Variants in SORCS3 observed in about 807,000 individuals in gnomAD.
The protein encoded by SORCS3 is sortilin related VPS10 domain containing receptor 3.
A neutral mutation model predicts 146.3 loss-of-function variants in SORCS3; 57 were observed. The observed-to-expected ratio is 0.39, with a 90% CI of 0.31 to 0.49. The LOEUF (loss-of-function observed/expected upper bound fraction) is 0.49, where lower values mean the gene tolerates loss of function less well. SORCS3 is among the 20% of genes least tolerant of loss of function. The probability of loss-of-function intolerance (pLI) is 0.92; values close to 1 mark genes in which losing one functional copy is unlikely to be tolerated. For missense variants in SORCS3, 1,341 were observed against 1,575.5 expected (o/e 0.85, Z 2.52); for synonymous variants, 653 against 618.5 (o/e 1.06, Z -0.83).
chr10:104,720,811 G>T (rs533747522), intron 1 of SORCS3, among the ~76,000 whole-genome samples: 12 of 152,166 alleles, frequency 7.9e-5, no homozygotes, highest in South Asian at 4.1e-4. Flanking sequence ...TTGCCCACTT[G>T]TTGATGGGGT....
intron 1 of SORCS3, among the ~76,000 whole-genome samples, chr10:104,760,184 G>C (rs2017103928): frequency 6.6e-6 from 1 of 152,270 alleles, no homozygotes; most frequent in African/African-American, 2.4e-5. Flanking sequence ...CAGTGGTGAG[G>C]TGGAAGAGAT....
intron 2 of SORCS3, among the ~76,000 whole-genome samples, chr10:104,911,214 G>C (rs1267695559): frequency 6.6e-6 from 1 of 152,244 alleles, no homozygotes; most frequent in Non-Finnish European, 1.5e-5. Flanking sequence ...GCAGTGTGCA[G>C]TGGCCATCCT....
At chr10:104,767,813 C>A (rs935849710) in intron 1 of SORCS3, among the ~76,000 whole-genome samples, 3 of 148,478 alleles carry the variant, frequency 2.0e-5, no homozygotes, top group African/African-American at 7.5e-5. Context: ...CTTCCCCTCC[C>A]TCTTCTTCCC....
chr10:104,833,651 G>A (rs1162979095), intron 1 of SORCS3, among the ~76,000 whole-genome samples: 1 of 152,098 alleles, frequency 6.6e-6, no homozygotes, highest in Non-Finnish European at 1.5e-5. Flanking sequence ...TCGTTTCACT[G>A]ATCTCTAAAT....
chr10:104,826,318 G>A (rs1470431769), intron 1 of SORCS3, among the ~76,000 whole-genome samples: 1 of 152,116 alleles, frequency 6.6e-6, no homozygotes, highest in Non-Finnish European at 1.5e-5. Context: ...GTTTAATTAA[G>A]TTGTGATTTT....
chr10:104,710,066 A>T (rs1182038709), intron 1 of SORCS3, among the ~76,000 whole-genome samples: 1 of 152,098 alleles, frequency 6.6e-6, no homozygotes, highest in East Asian at 1.9e-4. Context: ...CAAACATTTT[A>T]ATTTCCCTGG....
chr10:104,789,825 ACCTCTGG>A (rs1177446031), intron 1 of SORCS3, among the ~76,000 whole-genome samples: 1 of 151,982 alleles, frequency 6.6e-6, no homozygotes, highest in Non-Finnish European at 1.5e-5. Flanking sequence ...CACATAAAGA[ACCTCTGG>A]CTGTGTGATC....
chr10:104,861,661 A>G (rs2018404858), intron 2 of SORCS3, among the ~76,000 whole-genome samples: 1 of 152,138 alleles, frequency 6.6e-6, no homozygotes, highest in South Asian at 2.1e-4. Context: ...TTCTCCCTGA[A>G]GTGTCAAAGG....
chr10:105,241,289 A>G (rs369588553), intron 20 of SORCS3, among the ~76,000 whole-genome samples: 42 of 152,170 alleles, frequency 2.8e-4, no homozygotes, highest in African/African-American at 1.0e-3. Flanking sequence ...CTGGCCATAC[A>G]CTCTGGGTGC....
At chr10:105,072,028 G>A (rs78666388) in intron 5 of SORCS3, among the ~76,000 whole-genome samples, 2,858 of 152,266 alleles carry the variant, frequency 0.019, 95 homozygotes, top group East Asian at 0.15. Flanking sequence ...ATTCATGAGC[G>A]CTACTTTGGG....
intron 1 of SORCS3, among the ~76,000 whole-genome samples, chr10:104,774,564 A>G (rs1487855595): frequency 6.6e-6 from 1 of 152,190 alleles, no homozygotes; most frequent in Non-Finnish European, 1.5e-5. Context: ...ATGACATGGC[A>G]GCTTCTGTCT....
intron 14 of SORCS3, among the ~76,000 whole-genome samples, chr10:105,182,228 A>ATCTTTTTTTTT (rs2056446640): frequency 1.4e-5 from 1 of 69,350 alleles, no homozygotes; most frequent in Non-Finnish European, 2.9e-5. Context: ...ACTATTCAGC[A>ATCTTTTTTTTT]TCTTTTTTTT....
At chr10:104,962,252 C>T (rs2133635887) in intron 3 of SORCS3, among the ~76,000 whole-genome samples, 1 of 152,064 alleles carries the variant, frequency 6.6e-6, no homozygotes, top group South Asian at 2.1e-4. Context: ...TTGCAGTAAG[C>T]ACAGTGATTT....
intron 3 of SORCS3, 35 bp downstream of exon 3, chr10:104,915,967 T>TGCTG (rs1399116922): frequency 9.2e-6 from 14 of 1,525,780 alleles, no homozygotes; most frequent in Non-Finnish European, 1.3e-5. Flanking sequence ...TGAGCACTCC[T>TGCTG]GCTGGGTAGC....
Position 104,965,458 on chromosome 10 carries a change from T to C in SORCS3, c.796-11877T>C, listed in dbSNP as rs199718043. On this transcript the variant is annotated intron_variant, in intron 3 of 26. Coordinates refer to ENST00000369701, the MANE Select transcript of SORCS3 (RefSeq NM_014978.3). The stretch of plus-strand genomic sequence containing the variant: ...CCAGACGTGGAATAGCTGGATCATA[T>C]GATAATTCTATTTTTAATTATTTGT... 5.9e-5 allele frequency among the ~76,000 whole-genome samples: 9 copies of C among 152,344 alleles called. No homozygotes were observed. The East Asian group carries it at 1.7e-3, about 29-fold the overall frequency.
intron 14 of SORCS3, among the ~76,000 whole-genome samples, chr10:105,194,712 C>T (rs1484265853): frequency 1.3e-5 from 2 of 152,004 alleles, no homozygotes; most frequent in Non-Finnish European, 2.9e-5. Context: ...CTAAAAGTAT[C>T]CCCAGGCTTA....
intron 3 of SORCS3, among the ~76,000 whole-genome samples, chr10:104,949,739 G>T (rs2019409026): frequency 6.6e-6 from 1 of 152,184 alleles, no homozygotes; most frequent in African/African-American, 2.4e-5. Context: ...TAAACGTTTT[G>T]ATATAGAAAA....
intron 3 of SORCS3, among the ~76,000 whole-genome samples, chr10:104,925,844 G>A (rs958863971): frequency 6.6e-6 from 1 of 152,102 alleles, no homozygotes; most frequent in Non-Finnish European, 1.5e-5. Context: ...GTGTCTCTTT[G>A]GACTTTCAAA....
At chr10:104,960,618 A>G (rs1432039965) in intron 3 of SORCS3, among the ~76,000 whole-genome samples, 2 of 152,182 alleles carry the variant, frequency 1.3e-5, no homozygotes, top group Non-Finnish European at 2.9e-5. Flanking sequence ...TGAATCCATG[A>G]GTGGATTTGA....
Sources: gnomAD v4.1 joint callset for allele counts (sites outside exome capture counted in the v4.1 genomes callset) on GRCh38, gnomAD v4.1.1 for gene constraint, MANE v1.5 for transcripts, NCBI Gene and HGNC (gene_info 2026-07-23, HGNC 2026-07-21) for gene names.